Variants in ACADL observed in about 807,000 individuals in gnomAD.
ACADL encodes the protein long-chain specific acyl-CoA dehydrogenase, mitochondrial.
Under a neutral mutation model 56.9 loss-of-function variants are expected in ACADL, and 60 were observed. The observed-to-expected ratio is 1.05, with a 90% CI of 0.86 to 1.31. The LOEUF is 1.31. Ranked by LOEUF, ACADL falls within the 50% of genes most tolerant of loss-of-function variation. The probability of loss-of-function intolerance (pLI) is 0.00; values close to 1 mark genes in which losing one functional copy is unlikely to be tolerated. For synonymous variants in ACADL, 158 were observed against 179.7 expected, an observed-to-expected ratio of 0.88 and a Z score of 0.97; for missense variants, 484 against 525.5, an observed-to-expected ratio of 0.92 and a Z score of 0.77.
chr2:210,215,525 T>G (rs1466361248), intron 4 of ACADL, among the ~76,000 whole-genome samples: 1 of 152,220 alleles, frequency 6.6e-6, no homozygotes, highest in Non-Finnish European at 1.5e-5. Context: ...AAATGAAATA[T>G]AATGCCCAGA....
rs1346513422 is a variant in ACADL at position 210,205,816 on chromosome 2, T to C, written c.604-20A>G. 2 of 1,613,230 alleles carry C rather than the reference T, an allele frequency of 1.2e-6. No individual in the cohort carries two copies. The highest frequency in any genetic ancestry group is 3.3e-5 in the Admixed American group (2 of 59,952). ...GAACACCTGCAAAACCCCAAGTACA[T>C]TATTAATGCACCATGATAATTCAAT... On this transcript the variant is annotated intron_variant, in intron 5 of 10. Transcript: ENST00000233710.
chr2:210,223,354 T>C (rs1689208231), intron 1 of ACADL, among the ~76,000 whole-genome samples: 1 of 152,188 alleles, frequency 6.6e-6, no homozygotes, highest in South Asian at 2.1e-4. Flanking sequence ...CTATTATTGT[T>C]TTTTTAAAGT....
intron 5 of ACADL, among the ~76,000 whole-genome samples, chr2:210,206,406 G>A (rs1056121643): frequency 6.6e-6 from 1 of 152,002 alleles, no homozygotes; most frequent in Non-Finnish European, 1.5e-5. Context: ...ACCCCAACCT[G>A]GGTGACAGAG....
chr2:210,196,887 C>T (rs561724315), intron 8 of ACADL, among the ~76,000 whole-genome samples: 1 of 152,304 alleles, frequency 6.6e-6, no homozygotes, highest in Non-Finnish European at 1.5e-5. Flanking sequence ...ACTACCAAGT[C>T]CAAAGCCACA....
rs1458398421 is a variant in ACADL at position 210,188,488 on chromosome 2, G to C, written c.*473C>G. 1 of 161,170 alleles carries C rather than the reference G, an allele frequency of 6.2e-6. No individual in the cohort carries two copies. The highest frequency in any genetic ancestry group is 2.4e-5 in the African/African-American group (1 of 41,490). 10.0% of individuals were successfully genotyped at this position (161,170 alleles called of 1,614,324 possible). On this transcript the variant is annotated 3_prime_UTR_variant, in exon 11 of 11. Coordinates refer to ENST00000233710, the MANE Select transcript of ACADL (RefSeq NM_001608.4). ...GTTCCATTGCTTAAAAACGGGGTTG[G>C]AGTACAGTGGTAAAAACCACTGTTC...
At chr2:210,216,231 C>T (rs1400451698) in intron 4 of ACADL, 116 bp downstream of exon 4, 6 of 1,081,550 alleles carry the variant, frequency 5.5e-6, no homozygotes, top group Admixed American at 3.5e-5. Context: ...TGAATTATCC[C>T]GTGTTCATCT....
intron 4 of ACADL, among the ~76,000 whole-genome samples, chr2:210,215,591 C>T (rs569964606): frequency 6.6e-6 from 1 of 152,276 alleles, no homozygotes; most frequent in East Asian, 1.9e-4. Flanking sequence ...GATCAGGTCC[C>T]ACTCTGTGGA....
At chr2:210,192,972 T>C in intron 9 of ACADL, 82 bp from the exon 10 acceptor site, 8 of 1,016,954 alleles carry the variant, frequency 7.9e-6, no homozygotes, top group South Asian at 2.7e-5. Flanking sequence ...AAACTAATTA[T>C]TTACAATTGT....
At chr2:210,214,471 G>GA (rs1190471063) in intron 4 of ACADL, among the ~76,000 whole-genome samples, 1 of 141,416 alleles carries the variant, frequency 7.1e-6, no homozygotes, top group African/African-American at 2.8e-5. Flanking sequence ...TTCCAAAAAA[G>GA]AAAGAAAGAA....
intron 5 of ACADL, among the ~76,000 whole-genome samples, chr2:210,209,229 A>G (rs888540101): frequency 4.6e-5 from 7 of 152,252 alleles, no homozygotes; most frequent in South Asian, 4.1e-4. Context: ...ACCTTGGCAC[A>G]TATTTTCAGA....
intron 2 of ACADL, 47 bp downstream of exon 2, chr2:210,220,600 A>G (rs1286111338): frequency 1.9e-6 from 3 of 1,574,036 alleles, no homozygotes; most frequent in South Asian, 2.2e-5. Flanking sequence ...AAATGGTCCT[A>G]TAATACCCCT....
At chr2:210,212,141 T>G (rs1473947492) in intron 4 of ACADL, among the ~76,000 whole-genome samples, 1 of 151,924 alleles carries the variant, frequency 6.6e-6, no homozygotes, top group Non-Finnish European at 1.5e-5. Context: ...TTGCATTTTT[T>G]TTTTTTTTAA....
intron 9 of ACADL, among the ~76,000 whole-genome samples, chr2:210,194,508 G>A (rs1688678879): frequency 6.6e-6 from 1 of 152,132 alleles, no homozygotes; most frequent in Admixed American, 6.5e-5. Context: ...ATATACAAAA[G>A]TCTGACATAC....
chr2:210,225,034 G>A, intron 1 of ACADL, 153 bp downstream of exon 1: 1 of 985,430 alleles, frequency 1.0e-6, no homozygotes, highest in Non-Finnish European at 1.2e-6. Context: ...GCGGGATCCA[G>A]GAAAGGAGGC....
rs1689092119 is a variant in ACADL at position 210,216,669 on chromosome 2, T to C, written c.372-158A>G. The C allele has an allele frequency of 5.7e-6, 4 of 707,692 alleles. No homozygotes were observed. In the African/African-American group the frequency reaches 7.2e-5, roughly 13 times the overall value. The allele number at this position is 707,692 out of a possible 1,614,324, so 43.8% of individuals were successfully genotyped here. A position where few individuals can be genotyped will look rare whatever the true frequency, so the allele number is the denominator to read the frequency against. ...GAGTGTTTTCTCTTTTTGTTTTTAC[T>C]AATTTTAAAATTTCTGGTTCCAACA... On this transcript the variant is annotated intron_variant, in intron 3 of 10. Transcript: ENST00000233710.
chr2:210,198,386 G>C (rs976081530), intron 8 of ACADL, among the ~76,000 whole-genome samples: 1 of 152,060 alleles, frequency 6.6e-6, no homozygotes, highest in African/African-American at 2.4e-5. Context: ...TTAAAAACTG[G>C]ATATTCCCAT....
At chr2:210,224,619 G>A (rs1344117114) in intron 1 of ACADL, 3 of 985,342 alleles carry the variant, frequency 3.0e-6, no homozygotes, top group Non-Finnish European at 3.6e-6. Flanking sequence ...TATATCTAAA[G>A]CTAATTTCCT....
chr2:210,204,738 C>T, intron 6 of ACADL, 56 bp from the exon 7 acceptor site: 1 of 1,324,772 alleles, frequency 7.5e-7, no homozygotes, highest in African/African-American at 1.5e-5. Flanking sequence ...TTCCAATAAC[C>T]CAGTGAATAT....
At chr2:210,195,603 T>C (rs1188560144) in intron 8 of ACADL, among the ~76,000 whole-genome samples, 1 of 152,146 alleles carries the variant, frequency 6.6e-6, no homozygotes, top group Non-Finnish European at 1.5e-5. Flanking sequence ...GATTGTAAAA[T>C]TTAGACGAGG....
Sources: gnomAD v4.1 joint callset for allele counts (sites outside exome capture counted in the v4.1 genomes callset) on GRCh38, gnomAD v4.1.1 for gene constraint, MANE v1.5 for transcripts, NCBI Gene and HGNC (gene_info 2026-07-23, HGNC 2026-07-21) for gene names.